ZBTB20: variants seen among roughly 807,000 people sequenced by gnomAD.
ZBTB20 encodes zinc finger and BTB domain-containing protein 20.
ZBTB20 carries 9 observed loss-of-function variants against 56.9 expected under a neutral mutation model. That is an observed-to-expected ratio of 0.16 (90% confidence interval 0.10 to 0.28). The LOEUF (loss-of-function observed/expected upper bound fraction) is 0.28, where lower values mean the gene tolerates loss of function less well. ZBTB20 is among the 10% of genes least tolerant of loss of function. The pLI is 1.00. For synonymous variants in ZBTB20, 417 were observed against 420.7 expected, an observed-to-expected ratio of 0.99 and a Z score of 0.11; for missense variants, 655 against 1,003.0, an observed-to-expected ratio of 0.65 and a Z score of 4.69.
intron 1 of ZBTB20, among the ~76,000 whole-genome samples, chr3:115,087,932 G>A (rs2083047627): frequency 1.3e-5 from 2 of 151,978 alleles, no homozygotes; most frequent in South Asian, 2.1e-4. Context: ...TTTAAGGAAA[G>A]GGATGGAGTA....
At chr3:115,079,165 T>G in intron 1 of ZBTB20, among the ~76,000 whole-genome samples, 1 of 152,164 alleles carries the variant, frequency 6.6e-6, no homozygotes, top group East Asian at 1.9e-4. Flanking sequence ...TGTCAGATTC[T>G]TGAGGTAGGG....
At chr3:114,427,045 A>G (rs1268945843) in intron 7 of ZBTB20, among the ~76,000 whole-genome samples, 1 of 152,222 alleles carries the variant, frequency 6.6e-6, no homozygotes, top group African/African-American at 2.4e-5. Flanking sequence ...GATAGGTATC[A>G]CTAAACACAC....
intron 1 of ZBTB20, among the ~76,000 whole-genome samples, chr3:115,079,718 T>C (rs1325021066): frequency 6.6e-6 from 1 of 152,168 alleles, no homozygotes; most frequent in African/African-American, 2.4e-5. Context: ...TCACAAATGT[T>C]TATCAAGAAG....
chr3:114,434,558 T>TG (rs1576744101), intron 7 of ZBTB20, among the ~76,000 whole-genome samples: 6 of 145,944 alleles, frequency 4.1e-5, no homozygotes, highest in East Asian at 4.1e-4. Flanking sequence ...GTGTGTGTGT[T>TG]TGTGTGTGTG....
chr3:114,595,098 C>G (rs1407931412), intron 6 of ZBTB20, among the ~76,000 whole-genome samples: 2 of 152,110 alleles, frequency 1.3e-5, no homozygotes, highest in African/African-American at 4.8e-5. Flanking sequence ...CTTATATTAC[C>G]AGATGATTTC....
At chr3:114,402,800 T>C (rs1232444442) in intron 7 of ZBTB20, among the ~76,000 whole-genome samples, 3 of 152,154 alleles carry the variant, frequency 2.0e-5, no homozygotes, top group Non-Finnish European at 4.4e-5. Context: ...TGTGAATATA[T>C]TGCTGAATGG....
chr3:114,694,693 C>T (rs188524785), intron 5 of ZBTB20, among the ~76,000 whole-genome samples: 21 of 152,130 alleles, frequency 1.4e-4, no homozygotes, highest in Admixed American at 2.6e-4. Flanking sequence ...TAGCTAGAAT[C>T]ATAAGTATCT....
chr3:114,574,873 C>T (rs917867581), intron 6 of ZBTB20, among the ~76,000 whole-genome samples: 7 of 152,182 alleles, frequency 4.6e-5, no homozygotes, highest in Admixed American at 6.5e-5. Context: ...TGGATATTCC[C>T]TTATGAGTTC....
rs1257697593 is a variant in ZBTB20, at chr3:114,315,155, A to G, written c.*23850T>C. The G allele has an allele frequency of 6.6e-6, 1 of 152,168 alleles. No homozygotes were observed. The highest frequency in any genetic ancestry group is 2.4e-5 in the African/African-American group (1 of 41,444). The allele number at this position is 152,168 out of a possible 1,614,324, so 9.4% of individuals were successfully genotyped here. ...AAACCATGTATATGTTGATGGATGGATGTGTGTTTTTGTGGATATATGGAT... is the reference window on the plus strand; with the variant it reads ...AAACCATGTATATGTTGATGGATGGGTGTGTGTTTTTGTGGATATATGGAT... On this transcript the variant is annotated 3_prime_UTR_variant, in exon 12 of 12. Transcript: ENST00000675478.
At chr3:114,624,540 T>C (rs956497216) in intron 6 of ZBTB20, among the ~76,000 whole-genome samples, 19 of 152,164 alleles carry the variant, frequency 1.2e-4, no homozygotes, top group African/African-American at 4.3e-4. Flanking sequence ...TTTCATCCCC[T>C]TGAATTCTGT....
chr3:114,684,826 T>C (rs1478255720), intron 6 of ZBTB20, among the ~76,000 whole-genome samples: 1 of 152,034 alleles, frequency 6.6e-6, no homozygotes, highest in Non-Finnish European at 1.5e-5. Flanking sequence ...GGTAGGTAGG[T>C]TATATGAACA....
intron 5 of ZBTB20, among the ~76,000 whole-genome samples, chr3:114,699,542 T>C (rs1682459499): frequency 6.6e-6 from 1 of 152,038 alleles, no homozygotes; most frequent in African/African-American, 2.4e-5. Context: ...GCAACTACAA[T>C]TTCTCAAAAA....
intron 6 of ZBTB20, among the ~76,000 whole-genome samples, chr3:114,500,706 T>C (rs1307414565): frequency 1.3e-5 from 2 of 152,214 alleles, no homozygotes; most frequent in Non-Finnish European, 2.9e-5. Context: ...AGAGCTATGT[T>C]ACCATTTAAC....
intron 5 of ZBTB20, among the ~76,000 whole-genome samples, chr3:114,701,654 T>C (rs2063393391): frequency 6.6e-6 from 1 of 152,104 alleles, no homozygotes; most frequent in Non-Finnish European, 1.5e-5. Context: ...TTTAAAAAGT[T>C]GCGAAGTGAG....
chr3:114,631,012 C>T (rs1019721140), intron 6 of ZBTB20, among the ~76,000 whole-genome samples: 1 of 152,036 alleles, frequency 6.6e-6, no homozygotes, highest in Non-Finnish European at 1.5e-5. Context: ...AAATAAGAGG[C>T]CAGTAGATAA....
intron 5 of ZBTB20, among the ~76,000 whole-genome samples, chr3:114,744,767 A>G (rs2066900656): frequency 6.6e-6 from 1 of 152,164 alleles, no homozygotes; most frequent in African/African-American, 2.4e-5. Flanking sequence ...TACAGTAGCT[A>G]ATTTTTCAAT....
chr3:114,676,719 C>G (rs950929412), intron 6 of ZBTB20, among the ~76,000 whole-genome samples: 10 of 150,418 alleles, frequency 6.6e-5, no homozygotes, highest in Middle Eastern at 3.2e-3. Flanking sequence ...ACTCACTGGA[C>G]AAGTGCATTA....
chr3:114,316,342 AT>A lies in ZBTB20; in HGVS notation c.*22662del, dbSNP rs1560043370. 1 of 400,642 alleles carries A rather than the reference AT, an allele frequency of 2.5e-6. No individual in the cohort carries two copies. The allele number at this position is 400,642 out of a possible 1,614,324, so 24.8% of individuals were successfully genotyped here. ...AAAGTCACTGCAAGTAGCTGTTTTT[AT>A]TTTTTGTGATCTGTTGCAAGAGTCC... is the stretch of plus-strand genomic sequence containing the variant. On this transcript the variant is annotated 3_prime_UTR_variant, in exon 12 of 12. Coordinates refer to ENST00000675478, the MANE Select transcript of ZBTB20 (RefSeq NM_001348800.3).
At chr3:114,983,824 C>T (rs886425353) in intron 2 of ZBTB20, among the ~76,000 whole-genome samples, 1 of 151,914 alleles carries the variant, frequency 6.6e-6, no homozygotes, top group Non-Finnish European at 1.5e-5. Context: ...ATTTTCCATA[C>T]GTTTGTTATA....
Sources: gnomAD v4.1 joint callset for allele counts (sites outside exome capture counted in the v4.1 genomes callset) on GRCh38, gnomAD v4.1.1 for gene constraint, MANE v1.5 for transcripts, NCBI Gene and HGNC (gene_info 2026-07-23, HGNC 2026-07-21) for gene names.